EPB41L1: variants seen among roughly 807,000 people sequenced by gnomAD.
EPB41L1 encodes erythrocyte membrane protein band 4.1 like 1.
A neutral mutation model predicts 97.8 loss-of-function variants in EPB41L1; 29 were observed. The observed-to-expected ratio is 0.30, with a 90% confidence interval of 0.22 to 0.40. EPB41L1 has a LOEUF of 0.40. EPB41L1 is among the 10% of genes least tolerant of loss of function. EPB41L1 has a pLI of 1.00. For missense variants in EPB41L1, 812 were observed against 1,162.3 expected (o/e 0.70, Z 4.38); for synonymous variants, 383 against 459.2 (o/e 0.83, Z 2.12).
At chr20:36,165,139 A>T (rs888437296) in intron 1 of EPB41L1, among the ~76,000 whole-genome samples, 1 of 151,502 alleles carries the variant, frequency 6.6e-6, no homozygotes, top group African/African-American at 2.4e-5. Flanking sequence ...GCACCACCAC[A>T]CTTGGCTAAT....
intron 1 of EPB41L1, among the ~76,000 whole-genome samples, chr20:36,098,304 T>G (rs534946205): frequency 2.0e-5 from 3 of 152,238 alleles, no homozygotes; most frequent in African/African-American, 7.2e-5. Flanking sequence ...ACTCAAAGGA[T>G]GCACAGTGTA....
In EPB41L1 at chr20:36,190,244, C is replaced by A. The variant is rs201305550; in HGVS notation, c.1027-33C>A. The A allele has an allele frequency of 9.6e-5, 150 of 1,558,026 alleles. No individual in the cohort carries two copies. Among genetic ancestry groups the A allele is most frequent in the Non-Finnish European group, 1.2e-4 (141 of 1,129,714 alleles). Reference sequence around the variant, plus strand: ...GGCTAGTGGCGAGAGTGAGCTCAGGCCCTGCCTCTAACCTGCCCTTTTGGT... The same window carrying A: ...GGCTAGTGGCGAGAGTGAGCTCAGGACCTGCCTCTAACCTGCCCTTTTGGT... On this transcript the variant is annotated intron_variant, in intron 9 of 21. Transcript: ENST00000338074. The surrounding 1 kb of genome is among the most constrained non-coding windows in gnomAD (Gnocchi z 5.8).
At chr20:36,114,138 T>A (rs2058511212) in intron 2 of EPB41L1, among the ~76,000 whole-genome samples, 1 of 152,220 alleles carries the variant, frequency 6.6e-6, no homozygotes, top group Non-Finnish European at 1.5e-5. Context: ...TTTCTCCTTC[T>A]GTAGAATGCA....
chr20:36,118,397 A>G (rs1386142689), intron 2 of EPB41L1, among the ~76,000 whole-genome samples: 2 of 152,044 alleles, frequency 1.3e-5, no homozygotes, highest in African/African-American at 4.8e-5. Context: ...CTGAGTGCCT[A>G]TCTTTTGCTC....
rs1489153686 is a variant in EPB41L1, at chr20:36,092,115, G to A, written c.-65+503G>A. Among the ~76,000 whole-genome samples the A allele has an allele frequency of 6.6e-6, 1 of 152,150 alleles. No homozygotes were observed. Among genetic ancestry groups the A allele is most frequent in the African/African-American group, 2.4e-5 (1 of 41,456 alleles). The stretch of plus-strand genomic sequence containing the variant: ...TGGAACGCACTGGGCTATCCTCCGC[G>A]AGCCCTGGCCGCGGGAACAATGGGA... On this transcript the variant is annotated intron_variant, in intron 1 of 19. Coordinates refer to the EPB41L1 transcript ENST00000202028. The surrounding 1 kb of genome is among the most constrained non-coding windows in gnomAD (Gnocchi z 7.0).
chr20:36,211,817 G>A (rs1270610568), intron 15 of EPB41L1, among the ~76,000 whole-genome samples: 10 of 151,432 alleles, frequency 6.6e-5, no homozygotes, highest in African/African-American at 2.4e-4. Flanking sequence ...TCGCACCATC[G>A]CACTCCAGCC....
intron 2 of EPB41L1, among the ~76,000 whole-genome samples, chr20:36,138,819 T>C (rs2059520791): frequency 6.6e-6 from 1 of 152,180 alleles, no homozygotes; most frequent in East Asian, 1.9e-4. Flanking sequence ...TATTGTGACA[T>C]GCTGCCTCCC....
At chr20:36,183,156 C>T (rs1392981570) in intron 6 of EPB41L1, among the ~76,000 whole-genome samples, 1 of 152,236 alleles carries the variant, frequency 6.6e-6, no homozygotes, top group African/African-American at 2.4e-5. Flanking sequence ...GAGATAGTCT[C>T]ACTTCATGAT....
At chr20:36,215,887 G>C (rs2063412707) in intron 17 of EPB41L1, among the ~76,000 whole-genome samples, 1 of 152,212 alleles carries the variant, frequency 6.6e-6, no homozygotes, top group African/African-American at 2.4e-5. Context: ...GCATACAGCG[G>C]AGAACAAGGC....
chr20:36,178,131 T>G, intron 4 of EPB41L1, 75 bp downstream of exon 4: 1 of 1,064,864 alleles, frequency 9.4e-7, no homozygotes, highest in Non-Finnish European at 1.5e-6. Context: ...CCCAACAGCA[T>G]CCATTAGTGC....
At chr20:36,223,639 A>G (rs1008624703) in intron 21 of EPB41L1, among the ~76,000 whole-genome samples, 25 of 152,056 alleles carry the variant, frequency 1.6e-4, no homozygotes, top group Admixed American at 2.6e-4. Flanking sequence ...AGCAAAACTA[A>G]TCGACAAGGT....
At chr20:36,163,137 T>C (rs2060600108) in intron 1 of EPB41L1, among the ~76,000 whole-genome samples, 1 of 152,048 alleles carries the variant, frequency 6.6e-6, no homozygotes, top group African/African-American at 2.4e-5. Flanking sequence ...CTGTTTTTTT[T>C]TTTTTTTCTT....
intron 5 of EPB41L1, among the ~76,000 whole-genome samples, chr20:36,179,894 C>T (rs1246736900): frequency 6.6e-5 from 10 of 152,238 alleles, no homozygotes; most frequent in Admixed American, 6.5e-5. Flanking sequence ...TCCGCCTGGG[C>T]TTCAGGCTGT....
At chr20:36,121,807 C>T (rs1260309531) in intron 2 of EPB41L1, 10 of 152,248 alleles carry the variant, frequency 6.6e-5, no homozygotes, top group African/African-American at 2.4e-4. Context: ...AGCAGGGACC[C>T]CATACACTGG....
chr20:36,178,635 G>T lies in EPB41L1; in HGVS notation c.453G>T (p.Trp151Cys). 6.2e-7 allele frequency: 1 copy of T among 1,614,102 alleles called. No homozygotes were observed. The highest frequency in any genetic ancestry group is 2.2e-5 in the East Asian group (1 of 44,884). The part of the protein sequence containing the change: ...TFCDADSQKN[W>C]LDPSKEIKKQ... ...ATCTCTATCTTTTCTTTTAGAACTG[G>T]CTGGACCCCTCCAAGGAGATCAAGA... Residue 151 changes from tryptophan to cysteine, a missense_variant, in exon 5 of 22, where the codon TGG becomes TGT. By Grantham distance (215) the Trp-to-Cys change is radical. Coordinates refer to ENST00000338074, the MANE Select transcript of EPB41L1 (RefSeq NM_012156.2).
In EPB41L1 at chr20:36,190,251, T is replaced by C. The variant is rs1343449944; in HGVS notation, c.1027-26T>C. 2 of 1,600,140 alleles carry C rather than the reference T, an allele frequency of 1.2e-6. No homozygotes were observed. Among genetic ancestry groups the C allele is most frequent in the Non-Finnish European group, 1.7e-6 (2 of 1,167,708 alleles). On this transcript the variant is annotated intron_variant, in intron 9 of 21. Transcript: ENST00000338074. This position sits in a 1 kb window ranked among gnomAD's most constrained non-coding sequence, Gnocchi z 5.8. ...GGCGAGAGTGAGCTCAGGCCCTGCC[T>C]CTAACCTGCCCTTTTGGTTTTCCAG...
intron 2 of EPB41L1, among the ~76,000 whole-genome samples, chr20:36,125,759 G>A (rs367936153): frequency 1.4e-4 from 22 of 152,176 alleles, no homozygotes; most frequent in Non-Finnish European, 2.9e-4. Flanking sequence ...ATCAGGTTGG[G>A]AATGATGTGA....
intron 1 of EPB41L1, among the ~76,000 whole-genome samples, chr20:36,173,189 C>A (rs562214681): frequency 6.6e-6 from 1 of 152,166 alleles, no homozygotes; most frequent in African/African-American, 2.4e-5. Context: ...CAAGCCTGCG[C>A]GTTTTTTTGT....
intron 1 of EPB41L1, among the ~76,000 whole-genome samples, chr20:36,108,270 G>A (rs1284813174): frequency 2.0e-5 from 3 of 151,788 alleles, no homozygotes; most frequent in Non-Finnish European, 4.4e-5. Flanking sequence ...ATGAACCACC[G>A]TGCTGGGCCT....
Sources: gnomAD v4.1 joint callset for allele counts (sites outside exome capture counted in the v4.1 genomes callset) on GRCh38, gnomAD v4.1.1 for gene constraint, Gnocchi (gnomAD v3.1) non-coding constraint, MANE v1.5 for transcripts, NCBI Gene and HGNC (gene_info 2026-07-23, HGNC 2026-07-21) for gene names.